The following ITPR3 variants were observed in gnomAD, a reference collection of about 807,000 sequenced individuals.
ITPR3 encodes inositol 1,4,5-trisphosphate receptor type 3.
In ITPR3, 173 loss-of-function variants were observed where a neutral mutation model predicts 293.2. The observed-to-expected ratio is 0.59, with a 90% confidence interval of 0.52 to 0.67. The LOEUF (loss-of-function observed/expected upper bound fraction) is 0.67, where lower values mean the gene tolerates loss of function less well. ITPR3 is among the 30% of genes least tolerant of loss of function. The pLI, the probability that ITPR3 is intolerant of heterozygous loss-of-function variation, is 0.00. For missense variants in ITPR3, 2,796 were observed against 3,592.1 expected (o/e 0.78, Z 5.66); for synonymous variants, 1,295 against 1,444.4 (o/e 0.90, Z 2.35).
chr6:33,659,649 C>A, intron 7 of ITPR3, 100 bp downstream of exon 7: 1 of 995,236 alleles, frequency 1.0e-6, no homozygotes, highest in Non-Finnish European at 1.6e-6. Flanking sequence ...CAGGCCCTTA[C>A]CCTCTCCCCA....
chr6:33,688,583 G>A (rs1021836746), intron 48 of ITPR3, 73 bp from the exon 49 acceptor site: 113 of 1,591,492 alleles, frequency 7.1e-5, no homozygotes, highest in Non-Finnish European at 8.9e-5. Flanking sequence ...CCTCCTGAGC[G>A]GGGCCCCACA....
In ITPR3 at chr6:33,632,107, A is replaced by C. The variant is rs529575863; in HGVS notation, c.90-8377A>C. On this transcript the variant is annotated intron_variant, in intron 1 of 57. Coordinates refer to ENST00000605930, the MANE Select transcript of ITPR3 (RefSeq NM_002224.4). The surrounding 1 kb of genome is among the most constrained non-coding windows in gnomAD (Gnocchi z 4.1). ...CCTGGGTAATCCTCCACCCACAGCC[A>C]GTGTCTGGGGCTGGGAGCCAGAAGA... 6.6e-6 allele frequency among the ~76,000 whole-genome samples: 1 copy of C among 152,106 alleles called. No individual in the cohort carries two copies. The highest frequency in any genetic ancestry group is 1.5e-5 in the Non-Finnish European group (1 of 68,014).
At chr6:33,634,771 G>A (rs918828543) in intron 1 of ITPR3, among the ~76,000 whole-genome samples, 3 of 152,122 alleles carry the variant, frequency 2.0e-5, no homozygotes, top group African/African-American at 7.2e-5. Context: ...CCAGAGGGGT[G>A]AGGAAAAACG....
In ITPR3 at chr6:33,683,804, C is replaced by G. The variant is rs1765147265; in HGVS notation, c.4789-216C>G. The stretch of plus-strand genomic sequence containing the variant: ...AGAGGCTAAGGGGTTTGCCCAAGGT[C>G]ACACAGAGCTGGGAGAGAAGCCAGG... On this transcript the variant is annotated intron_variant, in intron 35 of 57. Coordinates refer to ENST00000605930, the MANE Select transcript of ITPR3 (RefSeq NM_002224.4). The surrounding 1 kb of genome is among the most constrained non-coding windows in gnomAD (Gnocchi z 4.5). Among the ~76,000 whole-genome samples the G allele has an allele frequency of 6.6e-6, 1 of 152,200 alleles. No individual in the cohort carries two copies. Among genetic ancestry groups the G allele is most frequent in the Non-Finnish European group, 1.5e-5 (1 of 68,030 alleles).
rs1433928868 is a variant in ITPR3 at position 33,632,621 on chromosome 6, C to T, written c.90-7863C>T. Among the ~76,000 whole-genome samples, 1 of 152,264 alleles carries T rather than the reference C, an allele frequency of 6.6e-6. No homozygotes were observed. The highest frequency in any genetic ancestry group is 1.5e-5 in the Non-Finnish European group (1 of 68,044). Reference sequence around the variant, plus strand: ...AACAAGCTGTCAACCAGCTCCTCTCCAGAGGGCCCAGAACAGCCCTGCCTG... The same window carrying T: ...AACAAGCTGTCAACCAGCTCCTCTCTAGAGGGCCCAGAACAGCCCTGCCTG... On this transcript the variant is annotated intron_variant, in intron 1 of 57. Coordinates refer to ENST00000605930, the MANE Select transcript of ITPR3 (RefSeq NM_002224.4). The surrounding 1 kb of genome is among the most constrained non-coding windows in gnomAD (Gnocchi z 4.1).
intron 3 of ITPR3, among the ~76,000 whole-genome samples, chr6:33,657,611 G>T (rs79217250): frequency 2.0e-5 from 3 of 151,872 alleles, no homozygotes; most frequent in Admixed American, 2.0e-4. Flanking sequence ...GGTTCCTGGG[G>T]GGGTAAGGGG....
chr6:33,683,812 G>A lies in ITPR3; in HGVS notation c.4789-208G>A, dbSNP rs1359059192. 6.6e-6 allele frequency among the ~76,000 whole-genome samples: 1 copy of A among 152,228 alleles called. No homozygotes were observed. Among genetic ancestry groups the A allele is most frequent in the African/African-American group, 2.4e-5 (1 of 41,462 alleles). On this transcript the variant is annotated intron_variant, in intron 35 of 57. Transcript: ENST00000605930. This position sits in a 1 kb window ranked among gnomAD's most constrained non-coding sequence, Gnocchi z 4.5. ...AGGGGTTTGCCCAAGGTCACACAGA[G>A]CTGGGAGAGAAGCCAGGCTTGGCAG...
chr6:33,635,184 C>G (rs1184348546), intron 1 of ITPR3, among the ~76,000 whole-genome samples: 1 of 152,204 alleles, frequency 6.6e-6, no homozygotes, highest in Non-Finnish European at 1.5e-5. Context: ...CTGAGCAGTT[C>G]CTGCTTCTCC....
rs1457025879 is a variant in ITPR3, at chr6:33,684,713, C to CG, written c.5137+28dup. 3.1e-6 allele frequency: 5 copies of CG among 1,611,828 alleles called. No homozygotes were observed. The African/African-American group carries it at 6.7e-5, about 22-fold the overall frequency. On this transcript the variant is annotated intron_variant, in intron 38 of 57. Coordinates refer to ENST00000605930, the MANE Select transcript of ITPR3 (RefSeq NM_002224.4). The surrounding 1 kb of genome is among the most constrained non-coding windows in gnomAD (Gnocchi z 4.2). The stretch of plus-strand genomic sequence containing the variant: ...GGTCAGTATCACCTTCCCCTGCCCC[C>CG]GGGCCCTCCCTTCCACTCTCCTGTC...
At chr6:33,657,743 CAG>C (rs1764345319) in intron 3 of ITPR3, among the ~76,000 whole-genome samples, 187 bp from the exon 4 acceptor site, 1 of 151,748 alleles carries the variant, frequency 6.6e-6, no homozygotes, top group Admixed American at 6.6e-5. Flanking sequence ...CTTCTGCACT[CAG>C]AGTGCAGCAC....
chr6:33,666,108 C>A lies in ITPR3; in HGVS notation c.1551+132C>A. The A allele has an allele frequency of 2.0e-6, 2 of 1,015,606 alleles. No individual in the cohort carries two copies. The highest frequency in any genetic ancestry group is 3.2e-5 in the African/African-American group (2 of 62,188). 62.9% of individuals were successfully genotyped at this position (1,015,606 alleles called of 1,614,324 possible). On this transcript the variant is annotated intron_variant, in intron 14 of 57. Coordinates refer to ENST00000605930, the MANE Select transcript of ITPR3 (RefSeq NM_002224.4). This position sits in a 1 kb window ranked among gnomAD's most constrained non-coding sequence, Gnocchi z 5.1. ...GCACGACCACGTGCCAGGGACTTCC[C>A]TAAGTACCCCACATGTGTTGACGAA...
rs1765503662 is a variant in ITPR3 at position 33,695,057 on chromosome 6, C to T, written c.7919C>T (p.Thr2640Ile). Reference protein sequence around the residue: ...NSTMKLVSHLTAQLNELKEQM... With the variant: ...NSTMKLVSHLIAQLNELKEQM... ...ACCATGAAGCTGGTGTCCCACCTCA[C>T]TGCCCAGCTCAACGAGCTCAAGGAG... The change falls in exon 57 of 58, where the codon ACT becomes ATT. Residue 2640 changes from threonine to isoleucine, a missense_variant. This residue lies in a region of ITPR3 where 568 missense variants were observed against 796.1 expected (regional missense o/e 0.71). Coordinates refer to ENST00000605930, the MANE Select transcript of ITPR3 (RefSeq NM_002224.4). 6.2e-7 allele frequency: 1 copy of T among 1,614,030 alleles called. No homozygotes were observed. Among genetic ancestry groups the T allele is most frequent in the South Asian group, 1.1e-5 (1 of 91,076 alleles).
chr6:33,622,237 C>G (rs777631304), intron 1 of ITPR3, among the ~76,000 whole-genome samples: 9 of 152,130 alleles, frequency 5.9e-5, no homozygotes, highest in Non-Finnish European at 1.2e-4. Context: ...CTTCAAGGTC[C>G]TGGCCAGCTG....
At position 33,679,357 on chromosome 6, in the gene ITPR3, C is replaced by G. The variant is rs554997790; in HGVS notation, c.3972+518C>G. ...ATCTGGAACAGACGTGGTCCCTGCC[C>G]CTGAGCATCTGACAGTGTAGGCGGC... is the stretch of plus-strand genomic sequence containing the variant. On this transcript the variant is annotated intron_variant, in intron 30 of 57. Coordinates refer to ENST00000605930, the MANE Select transcript of ITPR3 (RefSeq NM_002224.4). The surrounding 1 kb of genome is among the most constrained non-coding windows in gnomAD (Gnocchi z 4.2). Among the ~76,000 whole-genome samples the G allele has an allele frequency of 6.6e-6, 1 of 152,272 alleles. No homozygotes were observed. The highest frequency in any genetic ancestry group is 2.1e-4 in the South Asian group (1 of 4,826).
chr6:33,689,136 GGA>G (rs1765320874), intron 49 of ITPR3, 100 bp from the exon 50 acceptor site: 4 of 1,362,484 alleles, frequency 2.9e-6, no homozygotes, highest in Non-Finnish European at 4.0e-6. Flanking sequence ...AACTTAACCG[GGA>G]AGGCGGCCAG....
At position 33,667,216 on chromosome 6, in the gene ITPR3, GC is replaced by G; in HGVS notation, c.1644del (p.Tyr549ThrfsTer32). 1 of 1,614,000 alleles carries G rather than the reference GC, an allele frequency of 6.2e-7. No individual in the cohort carries two copies. The highest frequency in any genetic ancestry group is 1.3e-5 in the African/African-American group (1 of 75,038). ...RLEELSDQKN[A>X]PYQHMFRLCY... Reference sequence around the variant, plus strand: ...GGAGGAGCTGTCAGACCAGAAGAACGCCCCCTACCAGCACATGTTCCGCCTG... The same window carrying G: ...GGAGGAGCTGTCAGACCAGAAGAACGCCCCTACCAGCACATGTTCCGCCTG... On this transcript the variant is annotated frameshift_variant, in exon 15 of 58. Coordinates refer to ENST00000605930, the MANE Select transcript of ITPR3 (RefSeq NM_002224.4). LOFTEE classifies it high-confidence loss of function. This position sits in a 1 kb window ranked among gnomAD's most constrained non-coding sequence, Gnocchi z 4.4.
intron 9 of ITPR3, 99 bp from the exon 10 acceptor site, chr6:33,663,401 C>T: frequency 3.9e-6 from 5 of 1,282,666 alleles, no homozygotes; most frequent in Non-Finnish European, 5.5e-6. Context: ...CCTGCCTGCC[C>T]AAACCCAGGG....
At chr6:33,644,709 G>T (rs1258164229) in intron 2 of ITPR3, among the ~76,000 whole-genome samples, 2 of 148,764 alleles carry the variant, frequency 1.3e-5, no homozygotes, top group African/African-American at 5.0e-5. Flanking sequence ...TGTTGCCCAG[G>T]CTGGAGCACA....
chr6:33,690,074 A>C lies in ITPR3; in HGVS notation c.6908A>C (p.Asn2303Thr). 6.2e-7 allele frequency: 1 copy of C among 1,614,212 alleles called. No individual in the cohort carries two copies. The highest frequency in any genetic ancestry group is 8.5e-7 in the Non-Finnish European group (1 of 1,180,038). ...GTGTTTGTGGTGAGCTTCGTGGGCA[A>C]CCGTGGCACCTTCATCCGGGGCTAT... ...KIVFVVSFVGNRGTFIRGYKA... is the reference protein window; with the variant it reads ...KIVFVVSFVGTRGTFIRGYKA... Residue 2303 changes from asparagine to threonine, a missense_variant, in exon 51 of 58, where the codon AAC becomes ACC. Asn to Thr is a moderately conservative substitution (Grantham distance 65, BLOSUM62 0). Transcript: ENST00000605930.
Sources: allele counts gnomAD v4.1 joint callset (sites outside exome capture counted in the v4.1 genomes callset), GRCh38; gene constraint gnomAD v4.1.1; regional missense constraint gnomAD v4.1.1; non-coding constraint Gnocchi (gnomAD v3.1); transcripts MANE v1.5; gene names NCBI Gene and HGNC (gene_info 2026-07-23, HGNC 2026-07-21).